Variants in KLF16 observed in about 807,000 individuals in gnomAD.
KLF16 encodes KLF transcription factor 16, also known as Krueppel-like factor 16.
KLF16 carries 6 observed loss-of-function variants against 6.1 expected under a neutral mutation model. The observed-to-expected ratio is 0.98, with a 90% CI of 0.54 to 1.93. The LOEUF (loss-of-function observed/expected upper bound fraction) is 1.93, where lower values mean the gene tolerates loss of function less well. Among genes scored for constraint, KLF16 ranks in the 30% most tolerant of loss-of-function variants. The probability of loss-of-function intolerance (pLI) is 0.01; values close to 1 mark genes in which losing one functional copy is unlikely to be tolerated. For synonymous variants in KLF16, 211 were observed against 176.5 expected, an observed-to-expected ratio of 1.20 and a Z score of -1.55; for missense variants, 355 against 363.8, an observed-to-expected ratio of 0.98 and a Z score of 0.20.
chr19:1,855,485 G>A (rs2011931203), intron 1 of KLF16, among the ~76,000 whole-genome samples: 2 of 152,124 alleles, frequency 1.3e-5, no homozygotes, highest in South Asian at 2.1e-4. Flanking sequence ...CCACCCCCAC[G>A]GGACAGATGG....
upstream of KLF16, among the ~76,000 whole-genome samples, chr19:1,865,945 C>T (rs1027903258): frequency 6.6e-6 from 1 of 152,236 alleles, no homozygotes; most frequent in Admixed American, 6.5e-5. Context: ...AGGAGGATCA[C>T]TTGAAGCTAT....
At chr19:1,862,181 G>A (rs1160311344) in intron 1 of KLF16, among the ~76,000 whole-genome samples, 2 of 149,972 alleles carry the variant, frequency 1.3e-5, no homozygotes, top group African/African-American at 2.5e-5. Context: ...CTGTTGCCCA[G>A]TCCAAACTCC....
chr19:1,856,164 A>G (rs1354642729), intron 1 of KLF16, among the ~76,000 whole-genome samples: 1 of 152,056 alleles, frequency 6.6e-6, no homozygotes, highest in Non-Finnish European at 1.5e-5. Flanking sequence ...CACAGCAGGG[A>G]CCATGGTGAG....
intron 1 of KLF16, among the ~76,000 whole-genome samples, chr19:1,855,212 C>T (rs1369809583): frequency 6.6e-6 from 1 of 152,174 alleles, no homozygotes; most frequent in African/African-American, 2.4e-5. Context: ...CATGCAGGGG[C>T]CTCCATCTGT....
upstream of KLF16, among the ~76,000 whole-genome samples, chr19:1,867,684 G>A (rs1281483015): frequency 6.6e-6 from 1 of 152,126 alleles, no homozygotes; most frequent in Admixed American, 6.6e-5. Context: ...TGGTCGACAT[G>A]ATGAAACCCT....
upstream of KLF16, among the ~76,000 whole-genome samples, chr19:1,864,332 G>A (rs2012147208): frequency 6.6e-6 from 1 of 152,176 alleles, no homozygotes; most frequent in Admixed American, 6.5e-5. Flanking sequence ...CCGCACTCAG[G>A]CATCTGCTCG....
Position 1,853,763 on chromosome 19 carries a change from G to C in KLF16, c.*696C>G, listed in dbSNP as rs1352386283. 1 of 152,538 alleles carries C rather than the reference G, an allele frequency of 6.6e-6. No individual in the cohort carries two copies. The highest frequency in any genetic ancestry group is 1.9e-4 in the East Asian group (1 of 5,188). 9.4% of individuals were successfully genotyped at this position (152,538 alleles called of 1,614,324 possible). ...GTCAAATGTTCTTTGGAAGAACCCAGAGGTCCCCTCCCTCCCCATCCCAGG... is the reference window on the plus strand; with the variant it reads ...GTCAAATGTTCTTTGGAAGAACCCACAGGTCCCCTCCCTCCCCATCCCAGG... On this transcript the variant is annotated 3_prime_UTR_variant, in exon 2 of 2. Transcript: ENST00000250916.
chr19:1,854,870 G>A (rs2011916186), intron 1 of KLF16, 110 bp from the exon 2 acceptor site: 1 of 1,177,640 alleles, frequency 8.5e-7, no homozygotes, highest in African/African-American at 1.6e-5. Flanking sequence ...TGCCGTTTTA[G>A]AGGCTGAGCT....
chr19:1,855,733 G>A (rs1430644857), intron 1 of KLF16, among the ~76,000 whole-genome samples: 1 of 152,206 alleles, frequency 6.6e-6, no homozygotes, highest in East Asian at 1.9e-4. Flanking sequence ...GCAGATAGGG[G>A]TCTCCAACGA....
intron 1 of KLF16, among the ~76,000 whole-genome samples, chr19:1,862,212 T>A (rs2012079836): frequency 6.7e-6 from 1 of 149,890 alleles, no homozygotes; most frequent in Non-Finnish European, 1.5e-5. Context: ...AGTGGAACCC[T>A]AGGAGGGGAC....
chr19:1,874,814 G>C, the KLF16 span: 1 of 131,908 alleles, frequency 7.6e-6, no homozygotes, highest in East Asian at 2.4e-4. Context: ...TTCTTAATCT[G>C]TAAAGTGCAC....
the KLF16 span, among the ~76,000 whole-genome samples, chr19:1,872,016 CAG>C: frequency 2.6e-5 from 4 of 152,300 alleles, no homozygotes; most frequent in African/African-American, 9.6e-5. Context: ...TTTATCTGCA[CAG>C]AGTCGGGAGG....
intron 1 of KLF16, among the ~76,000 whole-genome samples, chr19:1,860,615 C>A (rs1192193073): frequency 6.6e-6 from 1 of 152,112 alleles, no homozygotes; most frequent in Non-Finnish European, 1.5e-5. Flanking sequence ...GGTTCGTCTG[C>A]GGATCTTTCC....
At chr19:1,855,034 T>C (rs182164461) in intron 1 of KLF16, among the ~76,000 whole-genome samples, 3 of 152,266 alleles carry the variant, frequency 2.0e-5, no homozygotes, top group Admixed American at 6.5e-5. Flanking sequence ...TAACCGTAAG[T>C]AACCGCCGCA....
the KLF16 span, among the ~76,000 whole-genome samples, chr19:1,870,549 G>A: frequency 6.6e-5 from 10 of 152,138 alleles, no homozygotes; most frequent in African/African-American, 9.6e-5. Flanking sequence ...TGTGCCTGTC[G>A]TCCCAGGTAA....
chr19:1,854,220 A>C lies in KLF16; in HGVS notation c.*239T>G. The C allele has an allele frequency of 8.9e-6, 4 of 449,064 alleles. No homozygotes were observed. Among genetic ancestry groups the C allele is most frequent in the Non-Finnish European group, 3.7e-6 (1 of 266,988 alleles). 27.8% of individuals were successfully genotyped at this position (449,064 alleles called of 1,614,324 possible). A position where few individuals can be genotyped will look rare whatever the true frequency, so the allele number is the denominator to read the frequency against. ...GGGGGGCCCCGTTGCACAGATGGGA[A>C]GAAAGTTAGTATCATGGCTATTTAC... On this transcript the variant is annotated 3_prime_UTR_variant, in exon 2 of 2. Transcript: ENST00000250916.
At chr19:1,871,775 C>A in the KLF16 span, among the ~76,000 whole-genome samples, 1 of 152,030 alleles carries the variant, frequency 6.6e-6, no homozygotes, top group Non-Finnish European at 1.5e-5. Context: ...AGCGAGGTCA[C>A]CCTGCTGGCC....
At chr19:1,856,379 C>T (rs1393044533) in intron 1 of KLF16, among the ~76,000 whole-genome samples, 1 of 152,190 alleles carries the variant, frequency 6.6e-6, no homozygotes, top group African/African-American at 2.4e-5. Context: ...CTCATCCTTC[C>T]TCCCTGCCAC....
chr19:1,876,429 AG>A, the KLF16 span, among the ~76,000 whole-genome samples: 1 of 152,170 alleles, frequency 6.6e-6, no homozygotes, highest in African/African-American at 2.4e-5. Flanking sequence ...TAGAGATCGT[AG>A]GAACTCTTCT....
Sources: gnomAD v4.1 joint callset for allele counts (sites outside exome capture counted in the v4.1 genomes callset) on GRCh38, gnomAD v4.1.1 for gene constraint, MANE v1.5 for transcripts, NCBI Gene and HGNC (gene_info 2026-07-23, HGNC 2026-07-21) for gene names.